DTNA: variants seen among roughly 807,000 people sequenced by gnomAD.
DTNA encodes dystrobrevin alpha, also known as dystrophin-related protein 3.
Under a neutral mutation model 100.7 loss-of-function variants are expected in DTNA, and 43 were observed. The ratio of observed to expected loss-of-function variants is 0.43; its 90% CI spans 0.33 to 0.55. DTNA has a LOEUF of 0.55. Ranked by LOEUF, DTNA falls within the 20% of genes least tolerant of loss-of-function variation. DTNA has a pLI of 0.04. For synonymous variants in DTNA, 349 were observed against 347.9 expected, an observed-to-expected ratio of 1.00 and a Z score of -0.04; for missense variants, 798 against 953.9, an observed-to-expected ratio of 0.84 and a Z score of 2.15.
intron 16 of DTNA, among the ~76,000 whole-genome samples, chr18:34,861,019 G>GA (rs1239755144): frequency 9.2e-5 from 14 of 151,764 alleles, no homozygotes; most frequent in Admixed American, 8.5e-4. Flanking sequence ...TTTTTTCTTA[G>GA]AAAAAAATTT....
At chr18:34,578,820 G>A (rs928886537) in intron 1 of DTNA, among the ~76,000 whole-genome samples, 1 of 152,058 alleles carries the variant, frequency 6.6e-6, no homozygotes, top group Non-Finnish European at 1.5e-5. Context: ...TGTTCCATTG[G>A]TCTATGTGCC....
At chr18:34,693,687 T>A (rs1202940017) in intron 1 of DTNA, among the ~76,000 whole-genome samples, 1 of 152,114 alleles carries the variant, frequency 6.6e-6, no homozygotes, top group Admixed American at 6.6e-5. Flanking sequence ...GCTGGTCATA[T>A]GTGTGAGAAA....
upstream of DTNA, among the ~76,000 whole-genome samples, chr18:34,707,618 C>T (rs1055800630): frequency 6.6e-6 from 1 of 151,974 alleles, no homozygotes; most frequent in African/African-American, 2.4e-5. Flanking sequence ...CAATTAGATA[C>T]GTGTAATGGC....
intron 1 of DTNA, among the ~76,000 whole-genome samples, chr18:34,713,535 G>A (rs563438608): frequency 3.3e-5 from 5 of 151,902 alleles, no homozygotes; most frequent in African/African-American, 7.2e-5. Flanking sequence ...GGTTACTGTA[G>A]CCTTGTAGTA....
chr18:34,623,992 G>A (rs1362759527), intron 1 of DTNA, among the ~76,000 whole-genome samples: 3 of 152,122 alleles, frequency 2.0e-5, no homozygotes, highest in Non-Finnish European at 4.4e-5. Flanking sequence ...CATGGCAGAT[G>A]CTTCTGATAA....
intron 1 of DTNA, among the ~76,000 whole-genome samples, chr18:34,543,489 C>T (rs1235755032): frequency 6.6e-6 from 1 of 152,020 alleles, no homozygotes; most frequent in Non-Finnish European, 1.5e-5. Flanking sequence ...GATGAAAGTA[C>T]TCTATTTGCC....
intron 1 of DTNA, among the ~76,000 whole-genome samples, chr18:34,512,465 G>A (rs1383317394): frequency 1.3e-5 from 2 of 151,968 alleles, no homozygotes; most frequent in East Asian, 1.9e-4. Flanking sequence ...AAAGTGAATG[G>A]CCCTCTCATC....
At chr18:34,831,540 A>G (rs1408649735) in intron 11 of DTNA, among the ~76,000 whole-genome samples, 3 of 152,108 alleles carry the variant, frequency 2.0e-5, no homozygotes, top group African/African-American at 4.8e-5. Context: ...GGCTGAGGTG[A>G]GCAGATCACC....
At chr18:34,556,090 C>T (rs374019658) in intron 1 of DTNA, among the ~76,000 whole-genome samples, 2 of 151,344 alleles carry the variant, frequency 1.3e-5, no homozygotes, top group South Asian at 4.2e-4. Flanking sequence ...ATAGTTAGCT[C>T]TTCTTGTTGA....
intron 21 of DTNA, among the ~76,000 whole-genome samples, chr18:34,883,455 GCACACCAC>G (rs1207647314): frequency 1.3e-5 from 2 of 152,014 alleles, no homozygotes; most frequent in Non-Finnish European, 2.9e-5. Flanking sequence ...GACTACAGGT[GCACACCAC>G]CATGCCTGGC....
At chr18:34,869,708 AG>A (rs35577837) in intron 17 of DTNA, among the ~76,000 whole-genome samples, 24,022 of 152,214 alleles carry the variant, frequency 0.16, 2,218 homozygotes, top group African/African-American at 0.26. Context: ...TGATTAGTAC[AG>A]GGTGCATATT....
chr18:34,562,646 G>A (rs1243594721), intron 1 of DTNA, among the ~76,000 whole-genome samples: 1 of 152,178 alleles, frequency 6.6e-6, no homozygotes, highest in Non-Finnish European at 1.5e-5. Flanking sequence ...ACTTAGGGCA[G>A]TACTCAAAGT....
chr18:34,759,971 C>T (rs947961168), intron 2 of DTNA: 1 of 152,202 alleles, frequency 6.6e-6, no homozygotes, highest in Non-Finnish European at 1.5e-5. Flanking sequence ...ACTTGAGCCA[C>T]TGTGCCCGGC....
At chr18:34,565,592 C>G (rs979498501) in intron 1 of DTNA, among the ~76,000 whole-genome samples, 5 of 152,208 alleles carry the variant, frequency 3.3e-5, no homozygotes, top group Admixed American at 3.3e-4. Flanking sequence ...CTTCTAGCTT[C>G]TGATGGCCCA....
At chr18:34,883,214 C>T (rs1274249975) in intron 21 of DTNA, among the ~76,000 whole-genome samples, 1 of 152,146 alleles carries the variant, frequency 6.6e-6, no homozygotes, top group African/African-American at 2.4e-5. Context: ...GGATGTTTGC[C>T]TGGTTGAACC....
At chr18:34,699,792 T>G (rs2146126815) in intron 1 of DTNA, among the ~76,000 whole-genome samples, 1 of 152,320 alleles carries the variant, frequency 6.6e-6, no homozygotes, top group East Asian at 1.9e-4. Context: ...ATATTTCTTT[T>G]TGGTGAAACA....
intron 4 of DTNA, among the ~76,000 whole-genome samples, chr18:34,796,889 G>A (rs1412384247): frequency 6.6e-6 from 1 of 152,110 alleles, no homozygotes; most frequent in African/African-American, 2.4e-5. Flanking sequence ...CTGAGAGCCA[G>A]ACTTACCTTC....
chr18:34,527,801 A>T (rs948463540), intron 1 of DTNA, among the ~76,000 whole-genome samples: 1 of 152,116 alleles, frequency 6.6e-6, no homozygotes, highest in Non-Finnish European at 1.5e-5. Context: ...ATGATAAATG[A>T]GTCCAGATAC....
chr18:34,877,796 G>T lies in DTNA; in HGVS notation c.1981G>T (p.Glu661Ter), dbSNP rs774096773. 6.2e-7 allele frequency: 1 copy of T among 1,613,894 alleles called. No homozygotes were observed. Among genetic ancestry groups the T allele is most frequent in the South Asian group, 1.1e-5 (1 of 91,054 alleles). The change falls in exon 19 of 23, where the codon GAG becomes TAG. Residue 661 changes from glutamate (E) to a stop codon, truncating the protein, a stop_gained. Coordinates refer to ENST00000444659, the MANE Select transcript of DTNA (RefSeq NM_001386795.1). LOFTEE classifies it high-confidence loss of function. ...TAACACTATGTCCTCTCTTGTGAAA[G>T]AGCTGAATTCTGGTGAGTTCCTGAT... ...ITNTMSSLVKELNSEVGSETE... is the reference protein window; with the variant it reads ...ITNTMSSLVK
Sources: gnomAD v4.1 joint callset for allele counts (sites outside exome capture counted in the v4.1 genomes callset) on GRCh38, gnomAD v4.1.1 for gene constraint, MANE v1.5 for transcripts, NCBI Gene and HGNC (gene_info 2026-07-23, HGNC 2026-07-21) for gene names.